Variants in CACNA1A observed in about 807,000 individuals in gnomAD.
CACNA1A encodes calcium voltage-gated channel subunit alpha1 A.
Under a neutral mutation model 262.4 loss-of-function variants are expected in CACNA1A, and 57 were observed. The ratio of observed to expected loss-of-function variants is 0.22; its 90% CI spans 0.18 to 0.27. CACNA1A has a LOEUF of 0.27. Among genes scored for constraint, CACNA1A ranks in the 10% least tolerant of loss-of-function variants. The pLI is 1.00. For synonymous variants in CACNA1A, 1,431 were observed against 1,419.3 expected, an observed-to-expected ratio of 1.01 and a Z score of -0.18; for missense variants, 2,526 against 3,562.8, an observed-to-expected ratio of 0.71 and a Z score of 7.41.
At chr19:13,263,166 GCTTTT>G (rs759279910) in intron 24 of CACNA1A, 7 of 260,008 alleles carry the variant, frequency 2.7e-5, no homozygotes, top group East Asian at 1.8e-4. Context: ...TTTCTGCACA[GCTTTT>G]CTTTTTTCTT....
rs1291660477 is a variant in CACNA1A, at chr19:13,365,435, C to T, written c.666G>A (p.Ala222=). The T allele has an allele frequency of 3.1e-6, 5 of 1,613,714 alleles. No individual in the cohort carries two copies. Among genetic ancestry groups the T allele is most frequent in the East Asian group, 2.2e-5 (1 of 44,876 alleles). The change falls in exon 5 of 47, where the codon GCG becomes GCA. Residue 222 remains alanine (A), a synonymous_variant. Transcript: ENST00000360228. ...LQVVLKSIMK[A]MIPLLQIGLL... is the part of the protein sequence containing the mutation. ...GGCCGATCTGCAGCAAAGGGATCAT[C>T]GCCTTCATGATCGACTTCAGGACGA... is the stretch of plus-strand genomic sequence containing the variant.
chr19:13,489,119 C>A (rs1980441175), intron 1 of CACNA1A, among the ~76,000 whole-genome samples: 1 of 137,546 alleles, frequency 7.3e-6, no homozygotes, highest in African/African-American at 2.7e-5. Flanking sequence ...TCAAGCAATT[C>A]TCCTGCCTCA....
At chr19:13,257,933 T>C in intron 27 of CACNA1A, 1 of 162,148 alleles carries the variant, frequency 6.2e-6, no homozygotes, top group South Asian at 1.8e-4. Flanking sequence ...AGAGACGGGG[T>C]TTCACCATGT....
intron 1 of CACNA1A, among the ~76,000 whole-genome samples, chr19:13,459,566 T>C (rs941167951): frequency 1.3e-5 from 2 of 152,238 alleles, no homozygotes; most frequent in Non-Finnish European, 2.9e-5. Context: ...AAAGCTGGGC[T>C]GTGTTGCACA....
chr19:13,418,890 GTTTTTTA>G (rs1360233537), intron 3 of CACNA1A, among the ~76,000 whole-genome samples: 3 of 151,926 alleles, frequency 2.0e-5, no homozygotes, highest in African/African-American at 4.8e-5. Flanking sequence ...GTTTAGATAT[GTTTTTTA>G]TTTTTTATTT....
In CACNA1A at chr19:13,207,800, G is replaced by T; in HGVS notation, c.7034C>A (p.Thr2345Lys). Residue 2345 changes from threonine to lysine, a missense_variant, in exon 47 of 47, where the codon ACG (threonine) becomes AAG (lysine). Thr to Lys is a moderately conservative substitution (Grantham distance 78). Transcript: ENST00000360228. The surrounding 1 kb of genome is among the most constrained non-coding windows in gnomAD (Gnocchi z 5.7). ...CCGATCTCCGGCCAGAGGCTCGGCC[G>T]TGGGGCCTGGGTACCTCCGAGGGCC... is the stretch of plus-strand genomic sequence containing the variant. The part of the protein sequence containing the change: ...TSGPRRYPGP[T>K]AEPLAGDRPP... 1 of 1,422,060 alleles carries T rather than the reference G, an allele frequency of 7.0e-7. No homozygotes were observed. The highest frequency in any genetic ancestry group is 1.5e-5 in the South Asian group (1 of 67,430). The allele number at this position is 1,422,060 out of a possible 1,614,324, so 88.1% of individuals were successfully genotyped here.
chr19:13,430,358 T>C (rs942664981), intron 3 of CACNA1A, among the ~76,000 whole-genome samples: 1 of 151,980 alleles, frequency 6.6e-6, no homozygotes, highest in Non-Finnish European at 1.5e-5. Flanking sequence ...AGGCGTGCAA[T>C]GCCACGCCCA....
intron 44 of CACNA1A, among the ~76,000 whole-genome samples, chr19:13,210,414 C>T (rs1427650103): frequency 6.6e-6 from 1 of 152,140 alleles, no homozygotes; most frequent in Non-Finnish European, 1.5e-5. Flanking sequence ...ATGGGGATGG[C>T]CCCGCCCACC....
chr19:13,212,306 TG>T lies in CACNA1A; in HGVS notation c.6189+77del. Reference sequence around the variant, plus strand: ...AGAGGGAGGGAGCTGCAGGTGTGTGTGTGTGGGGGGCCCAGATCCCTTCCAC... The same window carrying T: ...AGAGGGAGGGAGCTGCAGGTGTGTGTTGTGGGGGGCCCAGATCCCTTCCAC... On this transcript the variant is annotated intron_variant, in intron 42 of 46. Transcript: ENST00000360228. The surrounding 1 kb of genome is among the most constrained non-coding windows in gnomAD (Gnocchi z 5.6). 6.4e-7 allele frequency: 1 copy of T among 1,561,840 alleles called. No individual in the cohort carries two copies. Among genetic ancestry groups the T allele is most frequent in the Non-Finnish European group, 8.8e-7 (1 of 1,135,624 alleles).
Position 13,294,871 on chromosome 19 carries a change from C to T in CACNA1A, c.3089+3673G>A, listed in dbSNP as rs547753217. On this transcript the variant is annotated intron_variant, in intron 19 of 46. Coordinates refer to ENST00000360228, the MANE Select transcript of CACNA1A (RefSeq NM_001127222.2). ...TCCACCTAAACTCCCGTTTTGATCT[C>T]TCATTCCCCTGAGTGACTGACAGCC... Among the ~76,000 whole-genome samples the T allele has an allele frequency of 2.6e-5, 4 of 152,256 alleles. No individual in the cohort carries two copies. The East Asian group carries it at 7.7e-4, about 29-fold the overall frequency.
intron 24 of CACNA1A, among the ~76,000 whole-genome samples, chr19:13,264,431 C>T (rs2056814390): frequency 6.6e-6 from 1 of 152,228 alleles, no homozygotes; most frequent in Non-Finnish European, 1.5e-5. Flanking sequence ...AAGCCAATGA[C>T]CTTGTCACTC....
At chr19:13,273,810 GA>G (rs1447125517) in intron 24 of CACNA1A, 4 of 151,950 alleles carry the variant, frequency 2.6e-5, no homozygotes, top group Non-Finnish European at 5.9e-5. Flanking sequence ...GCAGTGGTGC[GA>G]TTTCGGCTCA....
At chr19:13,469,365 A>C (rs1359279388) in intron 1 of CACNA1A, among the ~76,000 whole-genome samples, 1 of 151,000 alleles carries the variant, frequency 6.6e-6, no homozygotes, top group Non-Finnish European at 1.5e-5. Context: ...TCAATAACCA[A>C]TGTCTCCTCC....
intron 5 of CACNA1A, 56 bp from the exon 6 acceptor site, chr19:13,359,855 AG>A: frequency 8.3e-7 from 1 of 1,209,638 alleles, no homozygotes; most frequent in Non-Finnish European, 1.1e-6. Flanking sequence ...ACCAGCTCTG[AG>A]AAATAGGGAC....
intron 19 of CACNA1A, among the ~76,000 whole-genome samples, chr19:13,288,659 G>T (rs1382223711): frequency 6.6e-6 from 1 of 152,098 alleles, no homozygotes; most frequent in Non-Finnish European, 1.5e-5. Flanking sequence ...ATGGACACCT[G>T]GGCCCTGCCT....
At position 13,235,012 on chromosome 19, in the gene CACNA1A, C is replaced by A; in HGVS notation, c.5158G>T (p.Val1720Leu). The change falls in exon 34 of 47, where the codon GTG becomes TTG. Residue 1720 changes from valine (V) to leucine (L), a missense_variant. Val to Leu is a conservative substitution (Grantham distance 32, BLOSUM62 1). Around this residue, in one of 17 missense-constraint regions of CACNA1A, gnomAD observed 17 missense variants for 16.5 expected, o/e 1.03. Transcript: ENST00000360228. ...TCTTCATCACTGTCCTCGTCCTCCA[C>A]GTCGATGCCAATGTTACCAAACACC... ...MQVFGNIGID[V>L]EDEDSDEDEF... 1.2e-6 allele frequency: 2 copies of A among 1,613,510 alleles called. No homozygotes were observed. Among genetic ancestry groups the A allele is most frequent in the Middle Eastern group, 1.7e-4 (1 of 6,060 alleles).
At chr19:13,254,029 T>G (rs2056475200) in intron 29 of CACNA1A, among the ~76,000 whole-genome samples, 2 of 152,006 alleles carry the variant, frequency 1.3e-5, no homozygotes, top group Non-Finnish European at 2.9e-5. Flanking sequence ...GTGAGCCACC[T>G]TGCCCGGCCA....
chr19:13,446,038 G>C (rs907103208), intron 3 of CACNA1A, among the ~76,000 whole-genome samples: 3 of 152,094 alleles, frequency 2.0e-5, no homozygotes, highest in African/African-American at 7.2e-5. Context: ...ACTTTGGGAG[G>C]CCGAGGTGGG....
chr19:13,235,957 C>T (rs1402821093), intron 31 of CACNA1A: 2 of 477,140 alleles, frequency 4.2e-6, no homozygotes, highest in East Asian at 3.2e-5. Flanking sequence ...AAGGCATCAA[C>T]TCAAAAGCAT....
Sources: allele counts gnomAD v4.1 joint callset (sites outside exome capture counted in the v4.1 genomes callset), GRCh38; gene constraint gnomAD v4.1.1; regional missense constraint gnomAD v4.1.1; non-coding constraint Gnocchi (gnomAD v3.1); transcripts MANE v1.5; gene names NCBI Gene and HGNC (gene_info 2026-07-23, HGNC 2026-07-21).